Variants in MYO5C observed in about 807,000 individuals in gnomAD.
MYO5C encodes myosin VC, also known as unconventional myosin-Vc.
Under a neutral mutation model 235.7 loss-of-function variants are expected in MYO5C, and 194 were observed. That is an observed-to-expected ratio of 0.82 (90% CI 0.73 to 0.93). MYO5C has a LOEUF of 0.93. Among genes scored for constraint, MYO5C ranks in the 40% least tolerant of loss-of-function variants. The pLI is 0.00. For synonymous variants in MYO5C, 707 were observed against 754.8 expected (o/e 0.94, Z 1.04); for missense variants, 2,038 against 2,127.2 (o/e 0.96, Z 0.82).
Position 52,247,532 on chromosome 15 carries a change from T to A in MYO5C, c.1807A>T (p.Met603Leu). ...NPTPPSPFGS[M>L]ITVKSAKQVI... ...TGCTTTGCAGATTTAACTGTAATCA[T>A]TGAACCAAAAGGAGAAGGAGGAGTT... is the stretch of plus-strand genomic sequence containing the variant. The change falls in exon 15 of 41, where the codon ATG becomes TTG. Residue 603 changes from methionine to leucine, a missense_variant. Met to Leu is a conservative substitution (Grantham distance 15). Coordinates refer to ENST00000261839, the MANE Select transcript of MYO5C (RefSeq NM_018728.4). 1 of 1,614,158 alleles carries A rather than the reference T, an allele frequency of 6.2e-7. No homozygotes were observed. Among genetic ancestry groups the A allele is most frequent in the Non-Finnish European group, 8.5e-7 (1 of 1,180,032 alleles).
chr15:52,290,206 T>C (rs540311414), intron 1 of MYO5C, among the ~76,000 whole-genome samples: 12 of 152,288 alleles, frequency 7.9e-5, no homozygotes, highest in Non-Finnish European at 1.2e-4. Context: ...TAGCACTCCA[T>C]AAACAACTTT....
rs2035753870 is a variant in MYO5C at position 52,223,703 on chromosome 15, CTG to C, written c.3466_3467del (p.Gln1156ValfsTer7). On this transcript the variant is annotated frameshift_variant, in exon 29 of 41. Coordinates refer to ENST00000261839, the MANE Select transcript of MYO5C (RefSeq NM_018728.4). LOFTEE classifies it high-confidence loss of function. The stretch of plus-strand genomic sequence containing the variant: ...CCTTTTCATAGCAATCCTTCTGAGA[CTG>C]GAAATGGCTCTCCAAAACACTATTA... ...KATRVLESHF[Q>X]SQKDCYEKEI... 6.2e-7 allele frequency: 1 copy of C among 1,613,940 alleles called. No homozygotes were observed.
At chr15:52,247,938 C>A (rs1417933971) in intron 14 of MYO5C, among the ~76,000 whole-genome samples, 1 of 152,164 alleles carries the variant, frequency 6.6e-6, no homozygotes, top group Non-Finnish European at 1.5e-5. Flanking sequence ...ACATTCTCAT[C>A]CCTGCAGATC....
chr15:52,278,101 G>T (rs957103113), intron 4 of MYO5C: 1 of 368,770 alleles, frequency 2.7e-6, no homozygotes, highest in Non-Finnish European at 5.4e-6. Context: ...CACTGTATGT[G>T]AAAGTTCTTT....
chr15:52,242,113 G>A lies in MYO5C; in HGVS notation c.2491C>T (p.Arg831Cys), dbSNP rs191334982. The A allele has an allele frequency of 1.2e-4, 191 of 1,614,090 alleles. 1 individual carries two copies. In the East Asian group the frequency reaches 2.7e-3, roughly 22 times the overall value. The change falls in exon 20 of 41, where the codon CGC becomes TGC. Residue 831 changes from arginine to cysteine, a missense_variant. Transcript: ENST00000261839. ...GCCTGCATTGTGATGGTGGCCATGC[G>A]AATCAACTGATACAGGCTGCGAACA... ...YLVRSLYQLI[R>C]MATITMQAYS... is the part of the protein sequence containing the mutation.
intron 5 of MYO5C, among the ~76,000 whole-genome samples, chr15:52,274,680 C>CCT (rs2037003430): frequency 6.7e-6 from 1 of 148,334 alleles, no homozygotes; most frequent in South Asian, 2.3e-4. Flanking sequence ...ACCCCCCCCC[C>CCT]GACATATGTT....
intron 1 of MYO5C, among the ~76,000 whole-genome samples, chr15:52,291,117 C>A (rs1474567108): frequency 6.6e-6 from 1 of 152,208 alleles, no homozygotes; most frequent in Non-Finnish European, 1.5e-5. Flanking sequence ...CATGTACCAG[C>A]TCTGCTTAAA....
rs1022126684 is a variant in MYO5C at position 52,232,614 on chromosome 15, T to C, written c.3026+8A>G. The C allele has an allele frequency of 6.2e-7, 1 of 1,613,248 alleles. No individual in the cohort carries two copies. Among genetic ancestry groups the C allele is most frequent in the African/African-American group, 1.3e-5 (1 of 74,850 alleles). On this transcript the variant is annotated splice_region_variant and intron_variant, in intron 24 of 40. Coordinates refer to ENST00000261839, the MANE Select transcript of MYO5C (RefSeq NM_018728.4). ...GAAAGTAGCTTTAAGGCAAACTAGA[T>C]TCCATACATTCTTTGCCGTTCTTCC...
chr15:52,214,738 C>CTTT, intron 32 of MYO5C, 48 bp from the exon 33 acceptor site: 1 of 1,202,722 alleles, frequency 8.3e-7, no homozygotes, highest in South Asian at 1.5e-5. Context: ...GCACTTTAAT[C>CTTT]TATTTTTTTT....
At chr15:52,265,171 A>T (rs757461697) in intron 8 of MYO5C, 1 of 152,270 alleles carries the variant, frequency 6.6e-6, no homozygotes, top group African/African-American at 2.4e-5. Context: ...TAGAATATAA[A>T]TTATGACTAC....
In MYO5C at chr15:52,211,840, G is replaced by A. The variant is rs1448741461; in HGVS notation, c.4186C>T (p.Pro1396Ser). The A allele has an allele frequency of 3.7e-6, 6 of 1,614,052 alleles. No individual in the cohort carries two copies. The East Asian group carries it at 1.1e-4, about 30-fold the overall frequency. Residue 1396 changes from proline to serine, a missense_variant, in exon 35 of 41, where the codon CCG (proline) becomes TCG (serine). Physicochemically the swap from Pro to Ser is moderately conservative, Grantham distance 74. Coordinates refer to ENST00000261839, the MANE Select transcript of MYO5C (RefSeq NM_018728.4). Reference protein sequence around the residue: ...GVVVNMIPGLPAHILFMCVRY... With the variant: ...GVVVNMIPGLSAHILFMCVRY... ...ACACACATGAACAGGATATGAGCCG[G>A]CAGCCCGGGGATCATGTTCACCACC...
intron 12 of MYO5C, among the ~76,000 whole-genome samples, 177 bp from the exon 13 acceptor site, chr15:52,251,692 T>C (rs2036477061): frequency 6.6e-6 from 1 of 151,670 alleles, no homozygotes; most frequent in South Asian, 2.1e-4. Flanking sequence ...TGAGATGGAG[T>C]CTGGCTCTTC....
chr15:52,246,877 C>CT (rs1189879582), intron 16 of MYO5C, 40 bp downstream of exon 16: 1 of 1,531,252 alleles, frequency 6.5e-7, no homozygotes, highest in Non-Finnish European at 9.0e-7. Context: ...CAGAAACTGC[C>CT]TTCCCACGTC....
At chr15:52,251,790 A>G (rs34270279) in intron 12 of MYO5C, among the ~76,000 whole-genome samples, 13,188 of 151,874 alleles carry the variant, frequency 0.087, 694 homozygotes, top group East Asian at 0.25. Flanking sequence ...TCAGTCTCCT[A>G]AGTAGCTGGG....
chr15:52,217,956 A>G (rs2035592181), intron 32 of MYO5C, among the ~76,000 whole-genome samples: 1 of 152,228 alleles, frequency 6.6e-6, no homozygotes, highest in South Asian at 2.1e-4. Context: ...TCCACACAGC[A>G]TCACAATTTC....
chr15:52,277,871 T>C (rs1324926460), intron 4 of MYO5C: 2 of 455,802 alleles, frequency 4.4e-6, no homozygotes, highest in Non-Finnish European at 8.8e-6. Context: ...TGCTCCCTCA[T>C]TATAAGCATC....
Position 52,218,578 on chromosome 15 carries a change from C to A in MYO5C, c.3895G>T (p.Glu1299Ter), listed in dbSNP as rs770014247. The A allele has an allele frequency of 4.3e-6, 7 of 1,614,120 alleles. No individual in the cohort carries two copies. The highest frequency in any genetic ancestry group is 1.3e-5 in the African/African-American group (1 of 74,948). The change falls in exon 32 of 41, where the codon GAA becomes TAA. Residue 1299 changes from glutamate (E) to a stop codon, truncating the protein, a stop_gained. Coordinates refer to ENST00000261839, the MANE Select transcript of MYO5C (RefSeq NM_018728.4). LOFTEE classifies it high-confidence loss of function. Reference sequence around the variant, plus strand: ...CGGAAGTTACACTTGACTTCACTTTCAGTTTCAAATTGTTTCTTCAAGTGG... The same window carrying A: ...CGGAAGTTACACTTGACTTCACTTTAAGTTTCAAATTGTTTCTTCAAGTGG... ...SDHLKKQFET[E>*]SEVKCNFRQE...
intron 38 of MYO5C, among the ~76,000 whole-genome samples, chr15:52,200,229 T>C (rs1211421194): frequency 6.6e-6 from 1 of 152,102 alleles, no homozygotes; most frequent in African/African-American, 2.4e-5. Flanking sequence ...CCCAAGTGCA[T>C]TGTCCGCCTG....
chr15:52,265,410 C>T (rs1326294228), intron 8 of MYO5C, among the ~76,000 whole-genome samples: 4 of 152,134 alleles, frequency 2.6e-5, no homozygotes, highest in African/African-American at 9.7e-5. Context: ...CTCATTCACA[C>T]CAGGCAGGCT....
Sources: gnomAD v4.1 joint callset for allele counts (sites outside exome capture counted in the v4.1 genomes callset) on GRCh38, gnomAD v4.1.1 for gene constraint, MANE v1.5 for transcripts, NCBI Gene and HGNC (gene_info 2026-07-23, HGNC 2026-07-21) for gene names.